The following COL22A1 variants were observed in gnomAD, a reference collection of about 807,000 sequenced individuals.
COL22A1 encodes the protein collagen type XXII alpha 1 chain, also known as collagen alpha-1(XXII) chain.
A neutral mutation model predicts 248.9 loss-of-function variants in COL22A1; 221 were observed. The ratio of observed to expected loss-of-function variants is 0.89; its 90% CI spans 0.80 to 0.99. The LOEUF is 0.99. Among genes scored for constraint, COL22A1 ranks in the 50% least tolerant of loss-of-function variants. COL22A1 has a pLI of 0.00. For missense variants in COL22A1, 2,240 were observed against 2,179.0 expected, an observed-to-expected ratio of 1.03 and a Z score of -0.56; for synonymous variants, 891 against 793.4, an observed-to-expected ratio of 1.12 and a Z score of -2.07.
At chr8:138,763,215 C>T (rs1833642151) in intron 16 of COL22A1, among the ~76,000 whole-genome samples, 2 of 152,034 alleles carry the variant, frequency 1.3e-5, no homozygotes, top group South Asian at 4.1e-4. Flanking sequence ...GGTGAAACCC[C>T]ATCTCTACCA....
Position 138,694,858 on chromosome 8 carries a change from C to G in COL22A1, c.2614G>C (p.Glu872Gln), listed in dbSNP as rs1360834646. Residue 872 changes from glutamate to glutamine, a missense_variant, in exon 33 of 65, where the codon GAG becomes CAG. Glu to Gln is a conservative substitution (Grantham distance 29, BLOSUM62 2). Transcript: ENST00000303045. ...CCAGGCAGGCCTGGATCGCCCTTCT[C>G]TCCTTTGGGCCCTTGTTCTCCCTGT... ...RMPGEQGPKG[E>Q]KGDPGLPGEP... The G allele has an allele frequency of 1.2e-6, 2 of 1,614,094 alleles. No homozygotes were observed. Among genetic ancestry groups the G allele is most frequent in the Non-Finnish European group, 1.7e-6 (2 of 1,180,002 alleles).
intron 4 of COL22A1, among the ~76,000 whole-genome samples, chr8:138,842,702 C>T (rs1820973206): frequency 6.6e-6 from 1 of 152,138 alleles, no homozygotes; most frequent in African/African-American, 2.4e-5. Flanking sequence ...TGCAGCAGCC[C>T]AATAGCTCAG....
intron 39 of COL22A1, among the ~76,000 whole-genome samples, chr8:138,681,329 A>G (rs1267880544): frequency 6.6e-6 from 1 of 152,098 alleles, no homozygotes; most frequent in Non-Finnish European, 1.5e-5. Context: ...ATACACTCTG[A>G]GCCTACCCAT....
chr8:138,838,958 T>C (rs1041484171), intron 4 of COL22A1, among the ~76,000 whole-genome samples: 47 of 152,128 alleles, frequency 3.1e-4, no homozygotes, highest in African/African-American at 1.1e-3. Context: ...GATGGAACTT[T>C]GCTGCTGCCC....
chr8:138,715,589 AAAAGATAGAGT>A, intron 30 of COL22A1, 82 bp downstream of exon 30: 1 of 789,384 alleles, frequency 1.3e-6, no homozygotes, highest in Non-Finnish European at 2.0e-6. Context: ...AAAAAAAAAA[AAAAGATAGAGT>A]ATATTCTGCA....
At chr8:138,639,386 G>A (rs1252510836) in intron 47 of COL22A1, among the ~76,000 whole-genome samples, 3 of 152,196 alleles carry the variant, frequency 2.0e-5, no homozygotes, top group Non-Finnish European at 4.4e-5. Flanking sequence ...GATGTCAAGT[G>A]CACTGGATTT....
In COL22A1 at chr8:138,676,423, AAGAAAG is replaced by A; in HGVS notation, c.3150+129_3150+134del. 9 of 303,994 alleles carry A rather than the reference AAGAAAG, an allele frequency of 3.0e-5. No homozygotes were observed. The South Asian group carries it at 4.7e-4, about 16-fold the overall frequency. 18.8% of individuals were successfully genotyped at this position (303,994 alleles called of 1,614,324 possible). A position where few individuals can be genotyped will look rare whatever the true frequency, so the allele number is the denominator to read the frequency against. ...AAAAAAAAAGAAAGAAAAAGAAAGAAAGAAAGAAAGAAAGAAAGAAAGAAAGAAAGA... is the reference window on the plus strand; with the variant it reads ...AAAAAAAAAGAAAGAAAAAGAAAGAAAAAGAAAGAAAGAAAGAAAGAAAGA... On this transcript the variant is annotated intron_variant, in intron 41 of 64. Transcript: ENST00000303045.
At chr8:138,624,688 G>A (rs1159711750) in intron 51 of COL22A1, among the ~76,000 whole-genome samples, 2 of 152,146 alleles carry the variant, frequency 1.3e-5, no homozygotes, top group African/African-American at 4.8e-5. Flanking sequence ...AGTCTCCAGA[G>A]TTGTAGTTCA....
At chr8:138,684,557 G>T in intron 38 of COL22A1, 88 bp from the exon 39 acceptor site, 1 of 916,086 alleles carries the variant, frequency 1.1e-6, no homozygotes, top group South Asian at 1.3e-5. Context: ...TGCATCCTCT[G>T]CTGGGGACCC....
At chr8:138,666,991 T>C (rs1488826702) in intron 41 of COL22A1, among the ~76,000 whole-genome samples, 3 of 152,194 alleles carry the variant, frequency 2.0e-5, no homozygotes, top group South Asian at 2.1e-4. Context: ...TTGCCTTGTG[T>C]TATCAGAAAT....
rs543088590 is a variant in COL22A1, at chr8:138,902,970, C to A, written c.-73+10649G>T. Among the ~76,000 whole-genome samples, 5 of 152,188 alleles carry A rather than the reference C, an allele frequency of 3.3e-5. No homozygotes were observed. In the South Asian group the frequency reaches 1.0e-3, roughly 32 times the overall value. ...GGTTGTTCAAGGGTGGTTACTTTAGCCCTAATACCACTAATCACCCATGGA... is the reference window on the plus strand; with the variant it reads ...GGTTGTTCAAGGGTGGTTACTTTAGACCTAATACCACTAATCACCCATGGA... On this transcript the variant is annotated intron_variant, in intron 1 of 64. Transcript: ENST00000303045.
intron 3 of COL22A1, among the ~76,000 whole-genome samples, chr8:138,856,459 CAAGAGA>C (rs892124124): frequency 1.1e-4 from 16 of 150,182 alleles, no homozygotes; most frequent in South Asian, 2.1e-4. Context: ...GCAGTGACAG[CAAGAGA>C]AAGAGAAAGA....
At chr8:138,602,463 G>A (rs1428692420) in intron 59 of COL22A1, among the ~76,000 whole-genome samples, 1 of 152,100 alleles carries the variant, frequency 6.6e-6, no homozygotes, top group African/African-American at 2.4e-5. Context: ...ATGTCCAGGA[G>A]GCCCTGCACG....
In COL22A1 at chr8:138,824,975, G is replaced by A. The variant is rs568414652; in HGVS notation, c.969+1683C>T. 5.3e-4 allele frequency among the ~76,000 whole-genome samples: 81 copies of A among 152,302 alleles called. 1 individual carries two copies. Among genetic ancestry groups the A allele is most frequent in the African/African-American group, 1.6e-3 (68 of 41,570 alleles). On this transcript the variant is annotated intron_variant, in intron 6 of 64. Transcript: ENST00000303045. ...CATTTTGACAGAAGGAGGGGAAGAT[G>A]CACACATGGCAGACAGGACACAGAC... is the stretch of plus-strand genomic sequence containing the variant.
intron 3 of COL22A1, among the ~76,000 whole-genome samples, chr8:138,866,784 G>T (rs1822928369): frequency 6.6e-6 from 1 of 151,068 alleles, no homozygotes; most frequent in South Asian, 2.1e-4. Flanking sequence ...GGGTGTAATG[G>T]TTTTTTAAGA....
intron 18 of COL22A1, 84 bp from the exon 19 acceptor site, chr8:138,755,913 GGGCCCAGGGGACCA>G: frequency 8.5e-7 from 1 of 1,183,358 alleles, no homozygotes; most frequent in Non-Finnish European, 1.3e-6. Flanking sequence ...TTATTCTTGT[GGGCCCAGGGGACCA>G]CACCCCTCCC....
intron 48 of COL22A1, among the ~76,000 whole-genome samples, chr8:138,635,272 G>A (rs946724098): frequency 5.9e-5 from 9 of 152,176 alleles, no homozygotes; most frequent in Middle Eastern, 3.4e-3. Flanking sequence ...TCCTGAAAGC[G>A]GATTTGCTTC....
chr8:138,669,305 C>T (rs1482533517), intron 41 of COL22A1, among the ~76,000 whole-genome samples: 2 of 152,100 alleles, frequency 1.3e-5, no homozygotes, highest in South Asian at 2.1e-4. Context: ...CAGGGAGTGC[C>T]GAAGAGGGCT....
chr8:138,720,898 G>A (rs1829822155), intron 26 of COL22A1, 106 bp from the exon 27 acceptor site: 1 of 946,958 alleles, frequency 1.1e-6, no homozygotes, highest in South Asian at 1.3e-5. Flanking sequence ...CTGCACTCGG[G>A]TGGTTTTGAA....
Sources: gnomAD v4.1 joint callset for allele counts (sites outside exome capture counted in the v4.1 genomes callset) on GRCh38, gnomAD v4.1.1 for gene constraint, MANE v1.5 for transcripts, NCBI Gene and HGNC (gene_info 2026-07-23, HGNC 2026-07-21) for gene names.